Variants in KBTBD12 observed in about 807,000 individuals in gnomAD.
KBTBD12 encodes the protein kelch repeat and BTB domain containing 12.
Under a neutral mutation model 58.7 loss-of-function variants are expected in KBTBD12, and 53 were observed. The observed-to-expected ratio is 0.90, with a 90% CI of 0.72 to 1.14. KBTBD12 has a LOEUF of 1.14. KBTBD12 is among the 50% of genes most tolerant of loss of function. The pLI is 0.00. For missense variants in KBTBD12, 704 were observed against 751.3 expected (o/e 0.94, Z 0.74); for synonymous variants, 236 against 259.8 (o/e 0.91, Z 0.88).
At chr3:127,944,774 C>G (rs1576381013) in intron 4 of KBTBD12, among the ~76,000 whole-genome samples, 1 of 152,268 alleles carries the variant, frequency 6.6e-6, no homozygotes, top group Non-Finnish European at 1.5e-5. Context: ...TTGAGGTTCC[C>G]CCCACTGATT....
chr3:127,943,788 A>G (rs553523144), intron 4 of KBTBD12, among the ~76,000 whole-genome samples: 1 of 151,822 alleles, frequency 6.6e-6, no homozygotes, highest in Non-Finnish European at 1.5e-5. Context: ...ACTTTTCCCT[A>G]TGTTTTCTTC....
At chr3:127,924,992 C>G (rs376121981) in intron 2 of KBTBD12, among the ~76,000 whole-genome samples, 14 of 152,124 alleles carry the variant, frequency 9.2e-5, no homozygotes, top group African/African-American at 3.1e-4. Context: ...CCTCTCAGTT[C>G]TCTTTTACCA....
intron 5 of KBTBD12, among the ~76,000 whole-genome samples, chr3:127,982,531 C>G (rs988705035): frequency 1.3e-5 from 2 of 152,202 alleles, no homozygotes; most frequent in Non-Finnish European, 1.5e-5. Flanking sequence ...TGGATTCTCC[C>G]GTGGCCTACA....
At position 127,923,763 on chromosome 3, in the gene KBTBD12, AAG is replaced by A. The variant is rs1243793171; in HGVS notation, c.704_705del (p.Arg235LysfsTer8). 34 of 1,613,838 alleles carry A rather than the reference AAG, an allele frequency of 2.1e-5. No homozygotes were observed. Among genetic ancestry groups the A allele is most frequent in the Non-Finnish European group, 2.9e-5 (34 of 1,179,850 alleles). On this transcript the variant is annotated frameshift_variant, in exon 2 of 6. Transcript: ENST00000405109. LOFTEE classifies it high-confidence loss of function. ...VNPSFLRQAL[R>X]RNTMLLCDAD... is the part of the protein sequence containing the mutation. ...ATCCTTCTTTTTTAAGACAAGCCCTAAGAAGGAACACAATGCTTCTGTGTGAT... is the reference window on the plus strand; with the variant it reads ...ATCCTTCTTTTTTAAGACAAGCCCTAAAGGAACACAATGCTTCTGTGTGAT...
chr3:127,972,991 A>G (rs1940711199), intron 5 of KBTBD12, among the ~76,000 whole-genome samples: 1 of 152,242 alleles, frequency 6.6e-6, no homozygotes, highest in South Asian at 2.1e-4. Flanking sequence ...CACTGAAGAC[A>G]TATTACCTGA....
At chr3:127,934,598 C>T (rs1939785526) in intron 4 of KBTBD12, among the ~76,000 whole-genome samples, 1 of 152,024 alleles carries the variant, frequency 6.6e-6, no homozygotes, top group Non-Finnish European at 1.5e-5. Flanking sequence ...GATAAATTCC[C>T]AGAGATCCTC....
intron 5 of KBTBD12, among the ~76,000 whole-genome samples, chr3:127,969,070 T>G (rs1179038376): frequency 6.6e-6 from 1 of 152,326 alleles, no homozygotes; most frequent in East Asian, 1.9e-4. Flanking sequence ...TTCAGCATTA[T>G]ACTGGAGGTT....
At chr3:127,929,276 G>A (rs1026415835) in intron 3 of KBTBD12, among the ~76,000 whole-genome samples, 7 of 152,130 alleles carry the variant, frequency 4.6e-5, no homozygotes, top group Non-Finnish European at 8.8e-5. Context: ...AGGGTTGTGC[G>A]TGTGCCATGG....
At chr3:127,924,315 T>C (rs1012832614) in intron 2 of KBTBD12, among the ~76,000 whole-genome samples, 184 bp downstream of exon 2, 1 of 148,566 alleles carries the variant, frequency 6.7e-6, no homozygotes, top group Non-Finnish European at 1.5e-5. Context: ...TATACATTTA[T>C]ATATATATAT....
intron 4 of KBTBD12, among the ~76,000 whole-genome samples, chr3:127,937,769 C>T (rs141856056): frequency 6.6e-6 from 1 of 151,956 alleles, no homozygotes; most frequent in Non-Finnish European, 1.5e-5. Context: ...GATCATGAAA[C>T]TGAAAAACAC....
chr3:127,927,391 C>T (rs1330724818), intron 2 of KBTBD12, among the ~76,000 whole-genome samples: 1 of 151,986 alleles, frequency 6.6e-6, no homozygotes, highest in African/African-American at 2.4e-5. Flanking sequence ...CAGAATAAGG[C>T]ATTCTTGTAT....
At chr3:127,971,962 C>A (rs914524209) in intron 5 of KBTBD12, among the ~76,000 whole-genome samples, 12 of 152,200 alleles carry the variant, frequency 7.9e-5, no homozygotes, top group African/African-American at 2.9e-4. Flanking sequence ...CTAGTTTAGT[C>A]TTGTGGCACA....
intron 5 of KBTBD12, among the ~76,000 whole-genome samples, chr3:127,975,597 T>C (rs373143882): frequency 9.9e-5 from 15 of 152,210 alleles, no homozygotes; most frequent in African/African-American, 3.4e-4. Context: ...AGTCATTGGT[T>C]CTCCTTTTCC....
At chr3:127,960,225 C>T (rs1224946423) in intron 4 of KBTBD12, among the ~76,000 whole-genome samples, 1 of 152,086 alleles carries the variant, frequency 6.6e-6, no homozygotes, top group Non-Finnish European at 1.5e-5. Flanking sequence ...TCCTGCACCC[C>T]ACAGAGAGGA....
chr3:127,980,315 T>G (rs1940850972), intron 5 of KBTBD12, among the ~76,000 whole-genome samples: 1 of 152,094 alleles, frequency 6.6e-6, no homozygotes, highest in Non-Finnish European at 1.5e-5. Flanking sequence ...ATTGGGTTAT[T>G]TTATTTATTT....
rs758552191 is a variant in KBTBD12 at position 127,923,638 on chromosome 3, A to T, written c.577A>T (p.Ser193Cys). Residue 193 changes from serine to cysteine, a missense_variant, in exon 2 of 6, where the codon AGC (serine) becomes TGC (cysteine). Coordinates refer to ENST00000405109, the MANE Select transcript of KBTBD12 (RefSeq NM_207335.4). The part of the protein sequence containing the change: ...SDDLNISREE[S>C]ILDLVLRWVN... ...TGATCTTAACATATCCAGAGAAGAG[A>T]GCATTCTGGACTTAGTTCTGAGATG... 6.2e-7 allele frequency: 1 copy of T among 1,613,652 alleles called. No individual in the cohort carries two copies. Among genetic ancestry groups the T allele is most frequent in the South Asian group, 1.1e-5 (1 of 91,046 alleles).
At chr3:127,925,825 G>A (rs1939556205) in intron 2 of KBTBD12, among the ~76,000 whole-genome samples, 1 of 152,178 alleles carries the variant, frequency 6.6e-6, no homozygotes, top group Non-Finnish European at 1.5e-5. Context: ...TAGCACTACT[G>A]AAGGTTACTG....
chr3:127,982,537 C>G (rs752347479), intron 5 of KBTBD12, among the ~76,000 whole-genome samples: 21 of 152,330 alleles, frequency 1.4e-4, no homozygotes, highest in Middle Eastern at 3.4e-3. Flanking sequence ...CTCCCGTGGC[C>G]TACACCTTCC....
intron 5 of KBTBD12, among the ~76,000 whole-genome samples, chr3:127,976,615 T>C (rs961131330): frequency 3.3e-5 from 5 of 152,220 alleles, no homozygotes; most frequent in Non-Finnish European, 2.9e-5. Context: ...AGTCAAGATA[T>C]GGTCTAATTT....
Sources: gnomAD v4.1 joint callset for allele counts (sites outside exome capture counted in the v4.1 genomes callset) on GRCh38, gnomAD v4.1.1 for gene constraint, MANE v1.5 for transcripts, NCBI Gene and HGNC (gene_info 2026-07-23, HGNC 2026-07-21) for gene names.